TPO: variants seen among roughly 807,000 people sequenced by gnomAD.
TPO encodes the protein thyroid peroxidase, also known as thyroid microsomal antigen.
TPO carries 78 observed loss-of-function variants against 96.9 expected under a neutral mutation model. That is an observed-to-expected ratio of 0.81 (90% CI 0.67 to 0.97). The LOEUF (loss-of-function observed/expected upper bound fraction) is 0.97. TPO is among the 50% of genes least tolerant of loss of function. The pLI is 0.00. For missense variants in TPO, 1,252 were observed against 1,274.8 expected (o/e 0.98, Z 0.27); for synonymous variants, 547 against 538.0 (o/e 1.02, Z -0.23).
At chr2:1,493,166 G>A (rs1229547380) in intron 10 of TPO, among the ~76,000 whole-genome samples, 1 of 141,594 alleles carries the variant, frequency 7.1e-6, no homozygotes, top group African/African-American at 2.6e-5. Flanking sequence ...GGAGATGAGT[G>A]GCCAGACAGA....
intron 5 of TPO, chr2:1,438,844 G>A (rs556536030): frequency 5.6e-6 from 4 of 714,914 alleles, no homozygotes; most frequent in Admixed American, 2.0e-5. Flanking sequence ...CGACCATTCC[G>A]AAACTGCCAA....
chr2:1,531,046 C>T (rs1324428375), intron 15 of TPO, among the ~76,000 whole-genome samples: 3 of 98,162 alleles, frequency 3.1e-5, no homozygotes, highest in African/African-American at 4.2e-5. Context: ...TGCAACCCCC[C>T]CAAATACCCC....
chr2:1,480,684 C>G (rs983237825), intron 8 of TPO, among the ~76,000 whole-genome samples: 1 of 151,976 alleles, frequency 6.6e-6, no homozygotes, highest in South Asian at 2.1e-4. Context: ...TCACAGCTTT[C>G]TCCTCCATCT....
intron 14 of TPO, among the ~76,000 whole-genome samples, chr2:1,511,301 G>A (rs1169484571): frequency 3.8e-5 from 3 of 78,712 alleles, no homozygotes; most frequent in Non-Finnish European, 8.0e-5. Flanking sequence ...CTGCAGACTG[G>A]GGGTGCCACA....
In TPO at chr2:1,433,357, G is replaced by T. The variant is rs1300591157; in HGVS notation, c.180-81G>T. On this transcript the variant is annotated intron_variant, in intron 3 of 16. Coordinates refer to ENST00000329066, the MANE Select transcript of TPO (RefSeq NM_001206744.2). Reference sequence around the variant, plus strand: ...GGGACACAGTAGTTACTCAATAAATGTCTGCTTAATTAATTAGTAATTAAG... The same window carrying T: ...GGGACACAGTAGTTACTCAATAAATTTCTGCTTAATTAATTAGTAATTAAG... 5 of 1,549,976 alleles carry T rather than the reference G, an allele frequency of 3.2e-6. No homozygotes were observed. In the African/African-American group the frequency reaches 6.8e-5, roughly 21 times the overall value.
At position 1,496,586 on chromosome 2, in the gene TPO, A is replaced by G. The variant is rs761304334; in HGVS notation, c.2216-9A>G. 1.9e-6 allele frequency: 3 copies of G among 1,613,794 alleles called. No individual in the cohort carries two copies. In the South Asian group the frequency reaches 3.3e-5, roughly 18 times the overall value. ...TTTGACTACATGTCAACCTGTCCAC[A>G]TTTCATAGACGACAAGTGTGGCTTC... On this transcript the variant is annotated splice_polypyrimidine_tract_variant and intron_variant, in intron 12 of 16. Transcript: ENST00000329066.
intron 8 of TPO, 21 bp downstream of exon 8, chr2:1,477,625 C>A (rs748864763): frequency 3.4e-6 from 5 of 1,480,216 alleles, no homozygotes; most frequent in Non-Finnish European, 4.5e-6. Context: ...TGGTCCTGGG[C>A]GCCCTGGGTG....
At chr2:1,527,831 C>CTGTGTGCAACCTCCTAAATCCCCCCCA (rs1276318932) in intron 15 of TPO, among the ~76,000 whole-genome samples, 1 of 107,580 alleles carries the variant, frequency 9.3e-6, no homozygotes, top group Non-Finnish European at 1.8e-5. Context: ...AATCCCCATA[C>CTGTGTGCAACCTCCTAAATCCCCCCCA]TGTGTGCAAC....
intron 7 of TPO, among the ~76,000 whole-genome samples, chr2:1,459,377 C>A (rs1413681138): frequency 6.6e-6 from 1 of 152,106 alleles, no homozygotes; most frequent in Non-Finnish European, 1.5e-5. Context: ...GTCTCGAACT[C>A]CTGACCTTGG....
intron 14 of TPO, among the ~76,000 whole-genome samples, chr2:1,505,910 G>A (rs939916407): frequency 1.3e-4 from 20 of 149,958 alleles, no homozygotes; most frequent in East Asian, 7.8e-4. Flanking sequence ...TGTGCACAAC[G>A]TGCAGGTTTG....
chr2:1,449,555 T>C (rs1218690657), intron 5 of TPO, among the ~76,000 whole-genome samples: 1 of 152,182 alleles, frequency 6.6e-6, no homozygotes, highest in Non-Finnish European at 1.5e-5. Context: ...AAAGAACAAA[T>C]GTGTGTCTAT....
intron 8 of TPO, among the ~76,000 whole-genome samples, chr2:1,480,945 C>T (rs1176952040): frequency 6.6e-6 from 1 of 151,380 alleles, no homozygotes; most frequent in African/African-American, 2.4e-5. Context: ...AGAGCTATCC[C>T]CTCCCTCAGC....
intron 5 of TPO, among the ~76,000 whole-genome samples, chr2:1,446,943 C>T (rs924476443): frequency 7.9e-5 from 12 of 152,138 alleles, no homozygotes; most frequent in Non-Finnish European, 1.6e-4. Context: ...TGACCCATCT[C>T]ATTTTATGTT....
chr2:1,510,387 T>C (rs1251703184), intron 14 of TPO, among the ~76,000 whole-genome samples: 1 of 152,194 alleles, frequency 6.6e-6, no homozygotes, highest in Non-Finnish European at 1.5e-5. Flanking sequence ...TGCTGTATTT[T>C]TGATAATATC....
At chr2:1,469,341 C>A (rs2148646268) in intron 7 of TPO, among the ~76,000 whole-genome samples, 1 of 152,244 alleles carries the variant, frequency 6.6e-6, no homozygotes, top group East Asian at 1.9e-4. Context: ...TAGTCTCTGT[C>A]AGAGGGAAGG....
In TPO at chr2:1,375,700, T is replaced by A. The variant is rs147785471; in HGVS notation, n.180+1298T>A. Among the ~76,000 whole-genome samples the A allele has an allele frequency of 5.7e-3, 861 of 151,924 alleles. 11 individuals carry two copies. Among genetic ancestry groups the A allele is most frequent in the African/African-American group, 0.02 (831 of 41,398 alleles). ...TCCCTGTGGCATCGTGAGTTTGGGGTCTTGAGAGTGTGTTTCCTTCACCGT... is the reference window on the plus strand; with the variant it reads ...TCCCTGTGGCATCGTGAGTTTGGGGACTTGAGAGTGTGTTTCCTTCACCGT... On this transcript the variant is annotated intron_variant and non_coding_transcript_variant, in intron 1 of 5. Transcript: ENST00000497517.
At chr2:1,510,949 C>G (rs1674042408) in intron 14 of TPO, among the ~76,000 whole-genome samples, 1 of 152,120 alleles carries the variant, frequency 6.6e-6, no homozygotes. Context: ...GTACAACTCT[C>G]CCTATATAAG....
chr2:1,416,176 A>T (rs988692948), intron 2 of TPO, among the ~76,000 whole-genome samples: 2 of 152,252 alleles, frequency 1.3e-5, no homozygotes, highest in Non-Finnish European at 2.9e-5. Flanking sequence ...TCACCAAAAA[A>T]CAAAAAATAA....
upstream of TPO, among the ~76,000 whole-genome samples, chr2:1,408,835 CT>C (rs372822914): frequency 5.0e-4 from 76 of 152,308 alleles, 1 homozygote; most frequent in East Asian, 0.011. Context: ...GTTTTGTCCA[CT>C]TTTCCTTCTT....
Sources: allele counts gnomAD v4.1 joint callset (sites outside exome capture counted in the v4.1 genomes callset), GRCh38; gene constraint gnomAD v4.1.1; transcripts MANE v1.5; gene names NCBI Gene and HGNC (gene_info 2026-07-23, HGNC 2026-07-21).